The following HECW1 variants were observed in gnomAD, a reference collection of about 807,000 sequenced individuals.
HECW1 encodes the protein E3 ubiquitin-protein ligase HECW1.
A neutral mutation model predicts 182.3 loss-of-function variants in HECW1; 61 were observed. The observed-to-expected ratio is 0.33, with a 90% confidence interval of 0.27 to 0.41. The LOEUF (loss-of-function observed/expected upper bound fraction) is 0.41. Ranked by LOEUF, HECW1 falls within the 10% of genes least tolerant of loss-of-function variation. The pLI, the probability that HECW1 is intolerant of heterozygous loss-of-function variation, is 1.00. For synonymous variants in HECW1, 859 were observed against 832.6 expected (o/e 1.03, Z -0.55); for missense variants, 1,739 against 2,108.9 (o/e 0.82, Z 3.44).
intron 4 of HECW1, among the ~76,000 whole-genome samples, chr7:43,312,702 T>G (rs149775043): frequency 2.2e-4 from 34 of 152,368 alleles, no homozygotes; most frequent in African/African-American, 7.9e-4. Context: ...AAACAAATTA[T>G]GCAAATAAGT....
intron 4 of HECW1, among the ~76,000 whole-genome samples, chr7:43,314,593 T>TGAC (rs1350134171): frequency 6.6e-6 from 1 of 152,222 alleles, no homozygotes; most frequent in Non-Finnish European, 1.5e-5. Flanking sequence ...GGTGTTAACA[T>TGAC]GACATTTTGA....
At chr7:43,231,679 C>T (rs766965464) in intron 2 of HECW1, among the ~76,000 whole-genome samples, 6 of 152,032 alleles carry the variant, frequency 3.9e-5, no homozygotes, top group Non-Finnish European at 5.9e-5. Flanking sequence ...AACCAAGTCC[C>T]GGTGGCAGCA....
At chr7:43,533,485 G>C (rs2081067678) in intron 24 of HECW1, among the ~76,000 whole-genome samples, 1 of 152,100 alleles carries the variant, frequency 6.6e-6, no homozygotes, top group Admixed American at 6.5e-5. Flanking sequence ...ATGGTGTCCT[G>C]GAGGCATCCA....
intron 3 of HECW1, among the ~76,000 whole-genome samples, chr7:43,269,028 C>T (rs745588782): frequency 1.3e-5 from 2 of 152,154 alleles, no homozygotes; most frequent in Non-Finnish European, 2.9e-5. Context: ...CAGTGCCACC[C>T]TCTACCCACT....
intron 2 of HECW1, among the ~76,000 whole-genome samples, chr7:43,213,649 G>C (rs1336788209): frequency 6.6e-6 from 1 of 151,850 alleles, no homozygotes; most frequent in Non-Finnish European, 1.5e-5. Context: ...GTTTCACCGT[G>C]TTAGCCAGGA....
At chr7:43,505,124 T>C (rs937674049) in intron 21 of HECW1, among the ~76,000 whole-genome samples, 2 of 152,178 alleles carry the variant, frequency 1.3e-5, no homozygotes, top group South Asian at 4.1e-4. Context: ...CCCAGGCTTT[T>C]TTCTCCACTC....
chr7:43,367,181 A>T (rs1409170067), intron 6 of HECW1, among the ~76,000 whole-genome samples: 1 of 152,222 alleles, frequency 6.6e-6, no homozygotes, highest in South Asian at 2.1e-4. Context: ...ACTTGGCCCC[A>T]TTGTATTTTG....
At position 43,501,247 on chromosome 7, in the gene HECW1, CT is replaced by C. The variant is rs1339431549; in HGVS notation, c.3557del (p.Leu1186ArgfsTer82). 1 of 1,604,606 alleles carries C rather than the reference CT, an allele frequency of 6.2e-7. No homozygotes were observed. Among genetic ancestry groups the C allele is most frequent in the African/African-American group, 1.4e-5 (1 of 73,752 alleles). On this transcript the variant is annotated frameshift_variant, in exon 21 of 30. Coordinates refer to ENST00000395891, the MANE Select transcript of HECW1 (RefSeq NM_015052.5). LOFTEE classifies it high-confidence loss of function. Reference sequence around the variant, plus strand: ...AGAAGAGATTATGTCCTACGTCCCCCTGCAGGCTGCCTTCCACCCTGGGTAT... The same window carrying C: ...AGAAGAGATTATGTCCTACGTCCCCCGCAGGCTGCCTTCCACCCTGGGTAT... Reference protein sequence around the residue: ...FEEEIMSYVPLQAAFHPGYSF... With the variant: ...FEEEIMSYVPXQAAFHPGYSF...
intron 3 of HECW1, among the ~76,000 whole-genome samples, chr7:43,256,110 G>A (rs1306099955): frequency 4.6e-5 from 7 of 152,252 alleles, no homozygotes; most frequent in African/African-American, 1.2e-4. Context: ...GGTAACTCAC[G>A]CTCTAGGTCC....
At chr7:43,257,973 T>C (rs981044989) in intron 3 of HECW1, among the ~76,000 whole-genome samples, 1 of 152,184 alleles carries the variant, frequency 6.6e-6, no homozygotes, top group African/African-American at 2.4e-5. Context: ...CCCAATCCTA[T>C]GAATCTGATA....
chr7:43,474,158 T>C (rs2078128259), intron 16 of HECW1, among the ~76,000 whole-genome samples: 1 of 152,142 alleles, frequency 6.6e-6, no homozygotes, highest in Admixed American at 6.6e-5. Context: ...TCAATCATAA[T>C]CCTTAAATGG....
chr7:43,226,718 G>A (rs1279474725), intron 2 of HECW1, among the ~76,000 whole-genome samples: 1 of 145,154 alleles, frequency 6.9e-6, no homozygotes, highest in Non-Finnish European at 1.5e-5. Context: ...TCCTGAAAGA[G>A]AGTGCAAGGG....
intron 3 of HECW1, among the ~76,000 whole-genome samples, chr7:43,262,645 GT>G (rs1801309200): frequency 6.6e-6 from 1 of 152,164 alleles, no homozygotes; most frequent in African/African-American, 2.4e-5. Flanking sequence ...CTTCAATGCA[GT>G]AATGAGGTTA....
At chr7:43,360,091 A>G (rs552655086) in intron 5 of HECW1, among the ~76,000 whole-genome samples, 12 of 152,294 alleles carry the variant, frequency 7.9e-5, no homozygotes, top group African/African-American at 2.4e-4. Context: ...ATGAAGTCCT[A>G]TTTTAACAGG....
chr7:43,479,590 T>A lies in HECW1; in HGVS notation c.3100-20T>A. 5 of 1,613,974 alleles carry A rather than the reference T, an allele frequency of 3.1e-6. No individual in the cohort carries two copies. Among genetic ancestry groups the A allele is most frequent in the Non-Finnish European group, 4.2e-6 (5 of 1,179,902 alleles). On this transcript the variant is annotated intron_variant, in intron 16 of 29. Coordinates refer to ENST00000395891, the MANE Select transcript of HECW1 (RefSeq NM_015052.5). ...TATTCTCACACCACACGGTGCTTTT[T>A]TTCACTGGTCTGTTCGCAGTCTTTT...
At chr7:43,329,804 G>T (rs373472023) in intron 5 of HECW1, among the ~76,000 whole-genome samples, 60 of 152,302 alleles carry the variant, frequency 3.9e-4, no homozygotes, top group African/African-American at 1.3e-3. Context: ...GAAGGACTTT[G>T]TGTAGGGGGA....
intron 24 of HECW1, among the ~76,000 whole-genome samples, chr7:43,529,980 C>T (rs764523331): frequency 4.2e-4 from 63 of 151,472 alleles, no homozygotes; most frequent in Non-Finnish European, 5.6e-4. Flanking sequence ...GACAGAGTTT[C>T]GCTCTGTCAC....
chr7:43,490,987 A>G (rs2078909354), intron 17 of HECW1, among the ~76,000 whole-genome samples: 1 of 152,212 alleles, frequency 6.6e-6, no homozygotes, highest in Non-Finnish European at 1.5e-5. Flanking sequence ...TCCTATCCTC[A>G]AGTGATCCAC....
intron 8 of HECW1, among the ~76,000 whole-genome samples, chr7:43,411,162 A>G (rs907754164): frequency 1.3e-5 from 2 of 151,580 alleles, no homozygotes; most frequent in Non-Finnish European, 2.9e-5. Flanking sequence ...TTTTAACTGC[A>G]TTTTATAAAT....
Sources: allele counts gnomAD v4.1 joint callset (sites outside exome capture counted in the v4.1 genomes callset), GRCh38; gene constraint gnomAD v4.1.1; transcripts MANE v1.5; gene names NCBI Gene and HGNC (gene_info 2026-07-23, HGNC 2026-07-21).